Variants in RAB5B observed in about 807,000 individuals in gnomAD.
RAB5B encodes ras-related protein Rab-5B.
In RAB5B, 11 loss-of-function variants were observed where a neutral mutation model predicts 28.6. That is an observed-to-expected ratio of 0.38 (90% CI 0.24 to 0.64). The LOEUF is 0.64. Among genes scored for constraint, RAB5B ranks in the 30% least tolerant of loss-of-function variants. RAB5B has a pLI of 0.53. For synonymous variants in RAB5B, 93 were observed against 97.9 expected (o/e 0.95, Z 0.29); for missense variants, 169 against 265.6 (o/e 0.64, Z 2.53).
chr12:55,980,367 C>G, intron 1 of RAB5B: 2 of 1,381,698 alleles, frequency 1.4e-6, no homozygotes, highest in Non-Finnish European at 2.1e-6. Context: ...CTCACTCCCT[C>G]TGCTGTTGTC....
intron 4 of RAB5B, 118 bp from the exon 5 acceptor site, chr12:55,991,242 T>A (rs529029011): frequency 1.4e-6 from 1 of 696,984 alleles, no homozygotes; most frequent in South Asian, 1.7e-5. Flanking sequence ...CTCAAAGGGG[T>A]ATTAATTAAG....
At chr12:55,974,637 C>T (rs565050616) in intron 1 of RAB5B, among the ~76,000 whole-genome samples, 7 of 152,244 alleles carry the variant, frequency 4.6e-5, no homozygotes, top group Admixed American at 2.0e-4. Context: ...GGGAAAGTGC[C>T]TATTGTAAAA....
intron 1 of RAB5B, chr12:55,985,729 C>A (rs1446922965): frequency 2.2e-6 from 1 of 455,990 alleles, no homozygotes; most frequent in Admixed American, 2.3e-5. Context: ...AGAAGGTATA[C>A]CTTTCTCTGC....
intron 4 of RAB5B, chr12:55,991,061 G>A: frequency 3.7e-6 from 2 of 534,156 alleles, no homozygotes; most frequent in Non-Finnish European, 6.7e-6. Flanking sequence ...CAGGAAGGAG[G>A]GAGCAATTAA....
rs56291639 is a variant in RAB5B at position 55,996,003 on chromosome 12, A to ATTTTTTTTTTTTTTT, written c.*3801_*3802insTTTTTTTTTTTTTTT. 1.5e-4 allele frequency: 15 copies of ATTTTTTTTTTTTTTT among 97,370 alleles called. No individual in the cohort carries two copies. The highest frequency in any genetic ancestry group is 6.2e-4 in the African/African-American group (13 of 21,120). 6.0% of individuals were successfully genotyped at this position (97,370 alleles called of 1,614,324 possible). On this transcript the variant is annotated 3_prime_UTR_variant, in exon 6 of 6. Coordinates refer to ENST00000360299, the MANE Select transcript of RAB5B (RefSeq NM_002868.4). ...TATATACATATATATATATATATAT[A>ATTTTTTTTTTTTTTT]TTTTTTTTTTAACAACTGGTAGGAT...
chr12:55,991,502 A>G (rs1211460637), intron 5 of RAB5B, 49 bp downstream of exon 5: 6 of 1,482,742 alleles, frequency 4.0e-6, no homozygotes, highest in Non-Finnish European at 5.7e-6. Context: ...GTTTATAGGC[A>G]AAATTATAGC....
At position 55,993,326 on chromosome 12, in the gene RAB5B, C is replaced by G. The variant is rs1273595179; in HGVS notation, c.*1114C>G. On this transcript the variant is annotated 3_prime_UTR_variant, in exon 6 of 6. Coordinates refer to ENST00000360299, the MANE Select transcript of RAB5B (RefSeq NM_002868.4). The stretch of plus-strand genomic sequence containing the variant: ...TTATAGATAAAACTACCAGTGGCAG[C>G]TACTCAAGTCCTATCTCCACTGTTA... The G allele has an allele frequency of 6.6e-6, 1 of 152,612 alleles. No homozygotes were observed. Among genetic ancestry groups the G allele is most frequent in the Non-Finnish European group, 1.5e-5 (1 of 68,040 alleles). 9.5% of individuals were successfully genotyped at this position (152,612 alleles called of 1,614,324 possible). A position where few individuals can be genotyped will look rare whatever the true frequency, so the allele number is the denominator to read the frequency against.
In RAB5B at chr12:55,992,308, C is replaced by T. The variant is rs1407437488; in HGVS notation, c.*96C>T. On this transcript the variant is annotated 3_prime_UTR_variant, in exon 6 of 6. Transcript: ENST00000360299. ...CAGCACACAACCCCTACGGTAACAGCACACTGAGCCCTGGCTCCCAAGGGC... is the reference window on the plus strand; with the variant it reads ...CAGCACACAACCCCTACGGTAACAGTACACTGAGCCCTGGCTCCCAAGGGC... 2 of 1,074,614 alleles carry T rather than the reference C, an allele frequency of 1.9e-6. No homozygotes were observed. The highest frequency in any genetic ancestry group is 2.8e-6 in the Non-Finnish European group (2 of 721,354). The allele number at this position is 1,074,614 out of a possible 1,614,324, so 66.6% of individuals were successfully genotyped here.
In RAB5B at chr12:55,996,003, A is replaced by ATATATATATATATATATATATTTTTT; in HGVS notation, c.*3792_*3793insATATATATATATATATATATTTTTTT. On this transcript the variant is annotated 3_prime_UTR_variant, in exon 6 of 6. Transcript: ENST00000360299. Reference sequence around the variant, plus strand: ...TATATACATATATATATATATATATATTTTTTTTTTAACAACTGGTAGGAT... The same window carrying ATATATATATATATATATATATTTTTT: ...TATATACATATATATATATATATATATATATATATATATATATATATTTTTTTTTTTTTTTTAACAACTGGTAGGAT... 4.1e-5 allele frequency: 4 copies of ATATATATATATATATATATATTTTTT among 97,408 alleles called. No homozygotes were observed. The highest frequency in any genetic ancestry group is 2.9e-4 in the South Asian group (1 of 3,486). The allele number at this position is 97,408 out of a possible 1,614,324, so 6.0% of individuals were successfully genotyped here. A position where few individuals can be genotyped will look rare whatever the true frequency, so the allele number is the denominator to read the frequency against.
chr12:55,980,876 T>A, intron 1 of RAB5B: 2 of 1,611,638 alleles, frequency 1.2e-6, no homozygotes, highest in Non-Finnish European at 1.7e-6. Flanking sequence ...CTTCTTCCCC[T>A]CTATATCCAC....
chr12:55,988,935 CTTTTTTTTTTT>C (rs35994383), intron 2 of RAB5B, among the ~76,000 whole-genome samples: 1 of 94,666 alleles, frequency 1.1e-5, no homozygotes, highest in Non-Finnish European at 2.1e-5. Context: ...CTAATTAATT[CTTTTTTTTTTT>C]TTTTTTTTTT....
intron 1 of RAB5B, among the ~76,000 whole-genome samples, chr12:55,986,438 G>A (rs952153795): frequency 8.6e-5 from 13 of 151,800 alleles, no homozygotes; most frequent in African/African-American, 2.9e-4. Context: ...CAAGAGTGAC[G>A]TCTCAAAAAA....
intron 4 of RAB5B, 118 bp downstream of exon 4, chr12:55,990,922 T>C: frequency 3.1e-6 from 4 of 1,300,854 alleles, no homozygotes; most frequent in Non-Finnish European, 4.3e-6. Flanking sequence ...CATTCCCCAG[T>C]TCTACACCAA....
In RAB5B at chr12:55,994,764, A is replaced by G. The variant is rs572127451; in HGVS notation, c.*2552A>G. ...TGTTATTATTATTATTATTTTTGCT[A>G]TTTGTCAGGTACTAGGAATTTGGAA... On this transcript the variant is annotated 3_prime_UTR_variant, in exon 6 of 6. Coordinates refer to ENST00000360299, the MANE Select transcript of RAB5B (RefSeq NM_002868.4). 1.4e-4 allele frequency: 22 copies of G among 152,206 alleles called. No homozygotes were observed. The highest frequency in any genetic ancestry group is 1.1e-3 in the Admixed American group (17 of 15,280). 9.4% of individuals were successfully genotyped at this position (152,206 alleles called of 1,614,324 possible). A position where few individuals can be genotyped will look rare whatever the true frequency, so the allele number is the denominator to read the frequency against.
chr12:55,976,682 AG>A (rs1188424505), intron 1 of RAB5B, among the ~76,000 whole-genome samples: 2 of 152,066 alleles, frequency 1.3e-5, no homozygotes, highest in African/African-American at 4.8e-5. Context: ...TTCTATTTTT[AG>A]AGACAGGGTC....
chr12:55,989,948 G>T lies in RAB5B; in HGVS notation c.165G>T (p.Ala55=), dbSNP rs1311543062. The stretch of plus-strand genomic sequence containing the variant: ...TCCCCTCCATTCTCTCATCCATAGC[G>T]GCCTTCCTCACCCAGTCCGTTTGTC... ...FHEYQESTIG[A]AFLTQSVCLD... Residue 55 remains alanine, a splice_region_variant and synonymous_variant, in exon 3 of 6, where the codon GCG becomes GCT. Coordinates refer to ENST00000360299, the MANE Select transcript of RAB5B (RefSeq NM_002868.4). The T allele has an allele frequency of 1.2e-6, 2 of 1,611,216 alleles. No individual in the cohort carries two copies. The highest frequency in any genetic ancestry group is 8.5e-7 in the Non-Finnish European group (1 of 1,177,470).
At chr12:55,991,199 G>T in intron 4 of RAB5B, 161 bp from the exon 5 acceptor site, 1 of 593,922 alleles carries the variant, frequency 1.7e-6, no homozygotes, top group Non-Finnish European at 3.0e-6. Context: ...TCTTGAGGGA[G>T]TTGTCATTAA....
Position 55,992,282 on chromosome 12 carries a change from T to A in RAB5B, c.*70T>A, listed in dbSNP as rs890646413. The A allele has an allele frequency of 2.5e-5, 33 of 1,308,046 alleles. No individual in the cohort carries two copies. The African/African-American group carries it at 4.5e-4, about 18-fold the overall frequency. The allele number at this position is 1,308,046 out of a possible 1,614,324, so 81.0% of individuals were successfully genotyped here. The stretch of plus-strand genomic sequence containing the variant: ...AAGAAATAACCTCCATCCCTACCCC[T>A]CAGCACACAACCCCTACGGTAACAG... On this transcript the variant is annotated 3_prime_UTR_variant, in exon 6 of 6. Transcript: ENST00000360299.
chr12:55,978,740 G>C (rs574276013), intron 1 of RAB5B, among the ~76,000 whole-genome samples: 1 of 151,578 alleles, frequency 6.6e-6, no homozygotes, highest in African/African-American at 2.4e-5. Context: ...TATATACTGT[G>C]ATAATGTGAT....
Sources: allele counts gnomAD v4.1 joint callset (sites outside exome capture counted in the v4.1 genomes callset), GRCh38; gene constraint gnomAD v4.1.1; transcripts MANE v1.5; gene names NCBI Gene and HGNC (gene_info 2026-07-23, HGNC 2026-07-21).